Variants in KLF8 observed in about 807,000 individuals in gnomAD.
KLF8 encodes the protein KLF transcription factor 8.
A neutral mutation model predicts 18.2 loss-of-function variants in KLF8; 10 were observed. That is an observed-to-expected ratio of 0.55 (90% CI 0.34 to 0.93). The LOEUF (loss-of-function observed/expected upper bound fraction) is 0.93. KLF8 is among the 40% of genes least tolerant of loss of function. The probability of loss-of-function intolerance (pLI) is 0.02; values close to 1 mark genes in which losing one functional copy is unlikely to be tolerated. For synonymous variants in KLF8, 109 were observed against 97.3 expected, an observed-to-expected ratio of 1.12 and a Z score of -0.71; for missense variants, 264 against 277.9, an observed-to-expected ratio of 0.95 and a Z score of 0.36.
At chrX:56,171,528 G>A in the KLF8 span, among the ~76,000 whole-genome samples, 1 of 109,414 alleles carries the variant, frequency 9.1e-6, no homozygotes, top group East Asian at 2.9e-4. Context: ...CCCCCTCCCT[G>A]AACCCCACAA....
chrX:56,282,358 T>A (rs191402675), intron 5 of KLF8, among the ~76,000 whole-genome samples: 4 of 112,347 alleles, frequency 3.6e-5, no homozygotes, highest in Non-Finnish European at 5.6e-5. Context: ...TTGCCATCTT[T>A]TTTGTCTCAT....
the KLF8 span, among the ~76,000 whole-genome samples, chrX:56,102,631 C>T: frequency 3.6e-5 from 4 of 111,356 alleles, no homozygotes; most frequent in Admixed American, 9.5e-5. Context: ...TCTCTGATTT[C>T]GTTCAGCAGG....
At chrX:56,242,973 A>C in intron 1 of KLF8, 1 of 475,984 alleles carries the variant, frequency 2.1e-6, no homozygotes, top group Non-Finnish European at 3.9e-6. Flanking sequence ...CATCCAAAGC[A>C]TTGTAATCAG....
At chrX:56,087,286 A>G in the KLF8 span, among the ~76,000 whole-genome samples, 6 of 110,753 alleles carry the variant, frequency 5.4e-5, no homozygotes, top group African/African-American at 2.0e-4. Context: ...TGTTATCCCC[A>G]GTGTTGGAGG....
At chrX:56,207,803 A>G in the KLF8 span, among the ~76,000 whole-genome samples, 1 of 109,427 alleles carries the variant, frequency 9.1e-6, no homozygotes, top group African/African-American at 3.3e-5. Context: ...TTACAGCCAC[A>G]CCCCACTCTA....
At chrX:56,276,870 C>T (rs2067129746) in intron 5 of KLF8, among the ~76,000 whole-genome samples, 1 of 111,377 alleles carries the variant, frequency 9.0e-6, no homozygotes, top group South Asian at 3.8e-4. Flanking sequence ...CTCTTTAAGG[C>T]CAATAACTCT....
At chrX:56,123,225 A>G in the KLF8 span, among the ~76,000 whole-genome samples, 1 of 108,030 alleles carries the variant, frequency 9.3e-6, no homozygotes, top group Admixed American at 1.0e-4. Context: ...CATTCCCCTT[A>G]CTTTTTACAA....
chrX:55,979,495 G>A, the KLF8 span, among the ~76,000 whole-genome samples: 14 of 112,095 alleles, frequency 1.2e-4, no homozygotes, highest in African/African-American at 4.2e-4. Context: ...AATATAAAAA[G>A]GGAGGATGCC....
At chrX:56,178,190 G>T in the KLF8 span, among the ~76,000 whole-genome samples, 8 of 112,262 alleles carry the variant, frequency 7.1e-5, no homozygotes, top group East Asian at 8.4e-4. Flanking sequence ...CTTCTGCTTC[G>T]CTCACGCTGG....
At position 56,291,227 on chromosome X, in the gene KLF8, G is replaced by A. The variant is rs2067319693; in HGVS notation, c.*6733G>A. ...TTTAGTCTCTGTAACTCTTATGTTT[G>A]TGCCCCATTATTTTAGTGCTTTAGA... On this transcript the variant is annotated 3_prime_UTR_variant, in exon 6 of 6. Coordinates refer to ENST00000468660, the MANE Select transcript of KLF8 (RefSeq NM_007250.5). Among the ~76,000 whole-genome samples, 1 of 111,770 alleles carries A rather than the reference G, an allele frequency of 8.9e-6. No individual in the cohort carries two copies. The highest frequency in any genetic ancestry group is 3.3e-5 in the African/African-American group (1 of 30,750).
chrX:56,190,549 T>A, the KLF8 span, among the ~76,000 whole-genome samples: 1 of 111,622 alleles, frequency 9.0e-6, no homozygotes, highest in Admixed American at 9.6e-5. Flanking sequence ...GGCATAAGTA[T>A]CATTCTCAAA....
At chrX:56,024,777 G>C in the KLF8 span, among the ~76,000 whole-genome samples, 1 of 111,820 alleles carries the variant, frequency 8.9e-6, no homozygotes, top group Admixed American at 9.4e-5. Context: ...CTAGGTCATG[G>C]GTTGAATTTT....
At chrX:56,264,944 T>C (rs975660290) in intron 2 of KLF8, among the ~76,000 whole-genome samples, 1 of 112,124 alleles carries the variant, frequency 8.9e-6, no homozygotes, top group Non-Finnish European at 1.9e-5. Context: ...TTTGCAAGAT[T>C]ATTGTGAACG....
the KLF8 span, among the ~76,000 whole-genome samples, chrX:56,065,007 T>TG: frequency 1.8e-5 from 2 of 111,766 alleles, no homozygotes; most frequent in African/African-American, 6.5e-5. Flanking sequence ...TGTGCATTTT[T>TG]GGGGGTTTTT....
At chrX:55,918,140 G>T in the KLF8 span, among the ~76,000 whole-genome samples, 1 of 111,972 alleles carries the variant, frequency 8.9e-6, no homozygotes, top group Non-Finnish European at 1.9e-5. Context: ...GTAGATAAAG[G>T]AAGTTGTTTC....
At chrX:56,244,890 T>C (rs1027033347) in intron 1 of KLF8, among the ~76,000 whole-genome samples, 3 of 108,744 alleles carry the variant, frequency 2.8e-5, no homozygotes, top group African/African-American at 9.8e-5. Flanking sequence ...AAGTGATTAG[T>C]TGTGTTGTCC....
the KLF8 span, among the ~76,000 whole-genome samples, chrX:56,106,443 C>A: frequency 2.7e-5 from 3 of 111,696 alleles, no homozygotes; most frequent in Non-Finnish European, 5.6e-5. Context: ...CTAAACTTGT[C>A]TTCTGGCTTC....
intron 2 of KLF8, among the ~76,000 whole-genome samples, chrX:56,261,138 G>C (rs1035565063): frequency 5.4e-5 from 6 of 111,620 alleles, no homozygotes; most frequent in Non-Finnish European, 9.4e-5. Flanking sequence ...AGAACCGAAA[G>C]GGTCTCATCT....
the KLF8 span, among the ~76,000 whole-genome samples, chrX:56,222,593 T>C: frequency 3.5e-5 from 4 of 112,758 alleles, no homozygotes; most frequent in Non-Finnish European, 5.6e-5. Context: ...CAGTCCCACA[T>C]GGTGGGCCTG....
Sources: gnomAD v4.1 joint callset for allele counts (sites outside exome capture counted in the v4.1 genomes callset) on GRCh38, gnomAD v4.1.1 for gene constraint, MANE v1.5 for transcripts, NCBI Gene and HGNC (gene_info 2026-07-23, HGNC 2026-07-21) for gene names.